SLC35B4: variants seen among roughly 807,000 people sequenced by gnomAD.
SLC35B4 encodes the protein nucleotide sugar transporter SLC35B4.
Under a neutral mutation model 39.5 loss-of-function variants are expected in SLC35B4, and 28 were observed. The observed-to-expected ratio is 0.71, with a 90% confidence interval of 0.53 to 0.97. The LOEUF (loss-of-function observed/expected upper bound fraction) is 0.97, where lower values mean the gene tolerates loss of function less well. SLC35B4 is among the 50% of genes least tolerant of loss of function. SLC35B4 has a pLI of 0.00. For missense variants in SLC35B4, 334 were observed against 414.3 expected (o/e 0.81, Z 1.68); for synonymous variants, 145 against 150.4 (o/e 0.96, Z 0.26).
Position 134,306,653 on chromosome 7 carries a change from G to A in SLC35B4, c.294+19C>T, listed in dbSNP as rs571273955. The A allele has an allele frequency of 6.9e-6, 11 of 1,586,482 alleles. No individual in the cohort carries two copies. Among genetic ancestry groups the A allele is most frequent in the East Asian group, 6.7e-5 (3 of 44,696 alleles). ...ATACTTTTCAGAGGAACATATACAC[G>A]TGATCCGGCAGCACTTACGGATCTA... On this transcript the variant is annotated intron_variant, in intron 3 of 9. Transcript: ENST00000378509.
rs984458950 is a variant in SLC35B4, at chr7:134,291,633, T to C, written c.*3200A>G. On this transcript the variant is annotated 3_prime_UTR_variant, in exon 10 of 10. Coordinates refer to ENST00000378509, the MANE Select transcript of SLC35B4 (RefSeq NM_032826.5). Reference sequence around the variant, plus strand: ...CTTTCATGGTCTTCCTCCGTAGCACTGACCAAATCAAAATACTGCAGCGTT... The same window carrying C: ...CTTTCATGGTCTTCCTCCGTAGCACCGACCAAATCAAAATACTGCAGCGTT... The C allele has an allele frequency of 4.6e-5, 7 of 152,210 alleles. No individual in the cohort carries two copies. The highest frequency in any genetic ancestry group is 1.7e-4 in the African/African-American group (7 of 41,456). 9.4% of individuals were successfully genotyped at this position (152,210 alleles called of 1,614,324 possible).
upstream of SLC35B4, among the ~76,000 whole-genome samples, chr7:134,318,358 A>G (rs1727595945): frequency 6.6e-6 from 1 of 151,884 alleles, no homozygotes; most frequent in African/African-American, 2.4e-5. Flanking sequence ...GAAATTCAGT[A>G]TTTAATGAGC....
In SLC35B4 at chr7:134,306,672, G is replaced by A. The variant is rs547682467; in HGVS notation, c.294C>T (p.Ser98=). The A allele has an allele frequency of 1.7e-5, 27 of 1,612,628 alleles. No homozygotes were observed. In the South Asian group the frequency reaches 1.8e-4, roughly 11 times the overall value. Residue 98 remains serine (S), a splice_region_variant and synonymous_variant, in exon 3 of 10, where the codon TCC becomes TCT. Coordinates refer to ENST00000378509, the MANE Select transcript of SLC35B4 (RefSeq NM_032826.5). ...IAMPLHMIFR[S]GSLIANMILG... ...ATACACGTGATCCGGCAGCACTTAC[G>A]GATCTAAATATCATATGCAGGGGCA... is the stretch of plus-strand genomic sequence containing the variant.
chr7:134,297,974 G>C (rs1046268156), intron 8 of SLC35B4, among the ~76,000 whole-genome samples: 1 of 152,156 alleles, frequency 6.6e-6, no homozygotes, highest in Non-Finnish European at 1.5e-5. Flanking sequence ...AGATGAAAGA[G>C]AATACAGACA....
At chr7:134,312,036 G>A (rs1331186383) in intron 1 of SLC35B4, among the ~76,000 whole-genome samples, 3 of 152,116 alleles carry the variant, frequency 2.0e-5, no homozygotes, top group Non-Finnish European at 4.4e-5. Flanking sequence ...GAAACCATAT[G>A]AGTGCCTATC....
In SLC35B4 at chr7:134,289,910, G is replaced by C. The variant is rs1803296846; in HGVS notation, c.*4923C>G. 6.6e-6 allele frequency: 1 copy of C among 151,994 alleles called. No individual in the cohort carries two copies. The highest frequency in any genetic ancestry group is 6.5e-5 in the Admixed American group (1 of 15,270). The allele number at this position is 151,994 out of a possible 1,614,324, so 9.4% of individuals were successfully genotyped here. ...CAACTTGCCTCACTTGATTAAAATT[G>C]ACAAATTTTGGTAGGACGGTTACCA... On this transcript the variant is annotated 3_prime_UTR_variant, in exon 10 of 10. Coordinates refer to ENST00000378509, the MANE Select transcript of SLC35B4 (RefSeq NM_032826.5).
upstream of SLC35B4, among the ~76,000 whole-genome samples, chr7:134,318,476 CATATAT>C (rs67968218): frequency 0.038 from 5,671 of 149,904 alleles, 194 homozygotes; most frequent in Non-Finnish European, 0.055. Flanking sequence ...TACACACACA[CATATAT>C]ATATATATAT....
rs1181983067 is a variant in SLC35B4, at chr7:134,291,212, C to A, written c.*3621G>T. On this transcript the variant is annotated 3_prime_UTR_variant, in exon 10 of 10. Coordinates refer to ENST00000378509, the MANE Select transcript of SLC35B4 (RefSeq NM_032826.5). Reference sequence around the variant, plus strand: ...ATAAACAAACATTTCTACATTAACCCTTCACATTCATCGTCATCTACAGAT... The same window carrying A: ...ATAAACAAACATTTCTACATTAACCATTCACATTCATCGTCATCTACAGAT... 6.6e-6 allele frequency: 1 copy of A among 152,170 alleles called. No individual in the cohort carries two copies. Among genetic ancestry groups the A allele is most frequent in the Non-Finnish European group, 1.5e-5 (1 of 68,036 alleles). 9.4% of individuals were successfully genotyped at this position (152,170 alleles called of 1,614,324 possible). A position where few individuals can be genotyped will look rare whatever the true frequency, so the allele number is the denominator to read the frequency against.
Position 134,296,401 on chromosome 7 carries a change from T to C in SLC35B4, c.739A>G (p.Ile247Val), listed in dbSNP as rs1334103951. Residue 247 changes from isoleucine to valine, a missense_variant, in exon 9 of 10, where the codon ATC becomes GTC. Physicochemically the swap from Ile to Val is conservative, Grantham distance 29. Transcript: ENST00000378509. ...CAGTCCAAAGGATACTGAGTGATGA[T>C]GTTCATGAGGAGGTAGAACCACATG... Reference protein sequence around the residue: ...PIMWFYLLMNIITQYVCIRGV... With the variant: ...PIMWFYLLMNVITQYVCIRGV... The C allele has an allele frequency of 2.5e-6, 4 of 1,613,694 alleles. No homozygotes were observed. The highest frequency in any genetic ancestry group is 1.6e-4 in the Middle Eastern group (1 of 6,082).
upstream of SLC35B4, among the ~76,000 whole-genome samples, chr7:134,319,659 T>A (rs1191072993): frequency 1.3e-5 from 2 of 152,194 alleles, no homozygotes; most frequent in Non-Finnish European, 2.9e-5. Context: ...AAATTTCCAG[T>A]GTCTTTGGAA....
In SLC35B4 at chr7:134,300,254, C is replaced by T. The variant is rs368313121; in HGVS notation, c.495G>A (p.Gly165=). The T allele has an allele frequency of 7.5e-6, 12 of 1,601,352 alleles. No homozygotes were observed. The highest frequency in any genetic ancestry group is 1.0e-5 in the Non-Finnish European group (12 of 1,176,026). The change falls in exon 7 of 10, where the codon GGG becomes GGA. Residue 165 remains glycine (G), a synonymous_variant. Transcript: ENST00000378509. Reference sequence around the variant, plus strand: ...ACATCAGAAGAGCAAAAGTCAATGCCCCAATACCTAAAAAACAAACATCAG... The same window carrying T: ...ACATCAGAAGAGCAAAAGTCAATGCTCCAATACCTAAAAAACAAACATCAG... The part of the protein sequence containing the change: ...QAFVWWLLGI[G]ALTFALLMSA...
chr7:134,310,693 C>T (rs1052947539), intron 1 of SLC35B4, among the ~76,000 whole-genome samples: 4 of 151,982 alleles, frequency 2.6e-5, no homozygotes, highest in African/African-American at 4.8e-5. Flanking sequence ...TACAGGTGCC[C>T]GCCACCAGGC....
rs1585650465 is a variant in SLC35B4, at chr7:134,316,923, C to T, written c.-172G>A. 1 of 621,368 alleles carries T rather than the reference C, an allele frequency of 1.6e-6. No homozygotes were observed. Among genetic ancestry groups the T allele is most frequent in the Non-Finnish European group, 2.8e-6 (1 of 357,936 alleles). The allele number at this position is 621,368 out of a possible 1,614,324, so 38.5% of individuals were successfully genotyped here. The stretch of plus-strand genomic sequence containing the variant: ...CCTTCTCCCGCGGCCAACACCGACG[C>T]TGCCAAGAAGCTGTAGTTCGCAGTC... On this transcript the variant is annotated 5_prime_UTR_variant, in exon 1 of 10. Coordinates refer to ENST00000378509, the MANE Select transcript of SLC35B4 (RefSeq NM_032826.5).
At chr7:134,298,840 G>C (rs2117285492) in intron 8 of SLC35B4, among the ~76,000 whole-genome samples, 1 of 152,274 alleles carries the variant, frequency 6.6e-6, no homozygotes, top group South Asian at 2.1e-4. Flanking sequence ...GCAACATAAA[G>C]CCTTGATTTT....
chr7:134,295,632 G>C (rs1344043551), intron 9 of SLC35B4, among the ~76,000 whole-genome samples: 2 of 151,682 alleles, frequency 1.3e-5, no homozygotes, highest in African/African-American at 2.4e-5. Flanking sequence ...TGTTACTCAA[G>C]CTAGAGTGCA....
intron 3 of SLC35B4, among the ~76,000 whole-genome samples, chr7:134,306,116 C>T (rs1803704342): frequency 6.6e-6 from 1 of 152,168 alleles, no homozygotes; most frequent in Admixed American, 6.5e-5. Context: ...AAACTCCCTT[C>T]AGGAACAGTA....
At chr7:134,304,989 T>C in intron 3 of SLC35B4, 135 bp from the exon 4 acceptor site, 1 of 687,360 alleles carries the variant, frequency 1.5e-6, no homozygotes, top group Non-Finnish European at 2.5e-6. Flanking sequence ...TAGTAAAGAT[T>C]TAGTTGTTCT....
rs1396471717 is a variant in SLC35B4 at position 134,299,594 on chromosome 7, G to C, written c.602C>G (p.Ala201Gly). Reference protein sequence around the residue: ...HSKEALFYNHALPLPGFVFLA... With the variant: ...HSKEALFYNHGLPLPGFVFLA... ...GAAGACGAAACCCGGAAGTGGAAGG[G>C]CGTGCTATGGAAAGAAACAGGTCAG... Residue 201 changes from alanine (A) to glycine (G), a missense_variant, in exon 8 of 10, where the codon GCC (alanine) becomes GGC (glycine). Physicochemically the swap from Ala to Gly is moderately conservative, Grantham distance 60. Transcript: ENST00000378509. 6.2e-7 allele frequency: 1 copy of C among 1,613,344 alleles called. No individual in the cohort carries two copies. Among genetic ancestry groups the C allele is most frequent in the Non-Finnish European group, 8.5e-7 (1 of 1,179,536 alleles).
At chr7:134,301,700 G>A in intron 6 of SLC35B4, 61 bp downstream of exon 6, 1 of 1,476,184 alleles carries the variant, frequency 6.8e-7, no homozygotes, top group Non-Finnish European at 9.4e-7. Flanking sequence ...TTTCTCTTAG[G>A]AGAAAACTCA....
Sources: allele counts gnomAD v4.1 joint callset (sites outside exome capture counted in the v4.1 genomes callset), GRCh38; gene constraint gnomAD v4.1.1; transcripts MANE v1.5; gene names NCBI Gene and HGNC (gene_info 2026-07-23, HGNC 2026-07-21).